STEAP1B: variants seen among roughly 807,000 people sequenced by gnomAD.
The protein encoded by STEAP1B is STEAP family member 1B, also known as STEAP family protein MGC87042.
In STEAP1B, 13 loss-of-function variants were observed where a neutral mutation model predicts 27.9. The ratio of observed to expected loss-of-function variants is 0.47; its 90% CI spans 0.30 to 0.74. The LOEUF (loss-of-function observed/expected upper bound fraction) is 0.74. Among genes scored for constraint, STEAP1B ranks in the 30% least tolerant of loss-of-function variants. The pLI, the probability that STEAP1B is intolerant of heterozygous loss-of-function variation, is 0.06. For synonymous variants in STEAP1B, 86 were observed against 107.1 expected, an observed-to-expected ratio of 0.80 and a Z score of 1.22; for missense variants, 250 against 298.7, an observed-to-expected ratio of 0.84 and a Z score of 1.20.
At chr7:22,482,194 C>G (rs1009570325) in intron 4 of STEAP1B, among the ~76,000 whole-genome samples, 4 of 152,166 alleles carry the variant, frequency 2.6e-5, no homozygotes, top group Non-Finnish European at 5.9e-5. Flanking sequence ...CCACCACCTC[C>G]CACTTTCTGA....
At chr7:22,492,488 G>T in intron 4 of STEAP1B, 77 bp downstream of exon 4, 2 of 1,455,030 alleles carry the variant, frequency 1.4e-6, no homozygotes, top group Non-Finnish European at 1.8e-6. Context: ...ATTTTTTATG[G>T]GGTAAAGCCA....
At chr7:22,447,399 T>C (rs3114713) in intron 4 of STEAP1B, among the ~76,000 whole-genome samples, 66,193 of 152,050 alleles carry the variant, frequency 0.44, 14,626 homozygotes, top group African/African-American at 0.5. Flanking sequence ...TCAGTCAATA[T>C]TGTATATTTA....
chr7:22,439,974 T>C (rs1394989738), intron 4 of STEAP1B, among the ~76,000 whole-genome samples: 1 of 152,130 alleles, frequency 6.6e-6, no homozygotes, highest in Non-Finnish European at 1.5e-5. Context: ...TTAGAAACAT[T>C]TGAGCCTTTA....
intron 4 of STEAP1B, among the ~76,000 whole-genome samples, chr7:22,477,861 T>C (rs1336474069): frequency 6.6e-6 from 1 of 152,210 alleles, no homozygotes; most frequent in Non-Finnish European, 1.5e-5. Context: ...ACATTTCCTA[T>C]GTAGACCTGT....
At chr7:22,474,225 T>G (rs753785724) in intron 4 of STEAP1B, among the ~76,000 whole-genome samples, 1 of 152,212 alleles carries the variant, frequency 6.6e-6, no homozygotes, top group Non-Finnish European at 1.5e-5. Flanking sequence ...TCATTTAACT[T>G]CAGGCCTACA....
At chr7:22,453,533 C>T (rs1237877262) in intron 4 of STEAP1B, among the ~76,000 whole-genome samples, 1 of 152,184 alleles carries the variant, frequency 6.6e-6, no homozygotes, top group Non-Finnish European at 1.5e-5. Context: ...AAGCTCTTTT[C>T]TGTGACTTTT....
At chr7:22,465,978 C>T (rs566500772) in intron 4 of STEAP1B, among the ~76,000 whole-genome samples, 4 of 152,248 alleles carry the variant, frequency 2.6e-5, no homozygotes, top group Admixed American at 2.6e-4. Flanking sequence ...GGGGCTCAGA[C>T]ACTTATCATT....
intron 4 of STEAP1B, among the ~76,000 whole-genome samples, chr7:22,471,195 C>CAG (rs1785876702): frequency 6.6e-6 from 1 of 152,194 alleles, no homozygotes; most frequent in Admixed American, 6.5e-5. Flanking sequence ...CTGACTCTTT[C>CAG]TAAGTGTGGT....
chr7:22,422,959 A>G (rs923960751), intron 4 of STEAP1B, among the ~76,000 whole-genome samples: 4 of 152,368 alleles, frequency 2.6e-5, no homozygotes, highest in African/African-American at 9.6e-5. Flanking sequence ...ATATTTGGAG[A>G]AAAGAGATCA....
At chr7:22,467,494 C>T (rs1388561135) in intron 4 of STEAP1B, among the ~76,000 whole-genome samples, 1 of 152,132 alleles carries the variant, frequency 6.6e-6, no homozygotes, top group African/African-American at 2.4e-5. Context: ...ATGTCCCCAC[C>T]CAAATCTCAT....
At chr7:22,457,244 C>T (rs1356803217) in intron 4 of STEAP1B, among the ~76,000 whole-genome samples, 3 of 151,704 alleles carry the variant, frequency 2.0e-5, no homozygotes, top group Non-Finnish European at 2.9e-5. Context: ...AACAGAAAAG[C>T]TGTAAAAGGG....
intron 4 of STEAP1B, among the ~76,000 whole-genome samples, chr7:22,462,739 A>G (rs1340780574): frequency 6.6e-6 from 1 of 151,820 alleles, no homozygotes; most frequent in African/African-American, 2.4e-5. Context: ...TCCTTTGGGT[A>G]TATAACCAGT....
rs528559852 is a variant in STEAP1B, at chr7:22,448,330, A to T, written c.763-28494T>A. Among the ~76,000 whole-genome samples, 145 of 152,332 alleles carry T rather than the reference A, an allele frequency of 9.5e-4. 1 individual carries two copies. The South Asian group carries it at 0.019, about 20-fold the overall frequency. On this transcript the variant is annotated intron_variant, in intron 4 of 4. Coordinates refer to ENST00000678116, the MANE Select transcript of STEAP1B (RefSeq NM_001382447.1). The stretch of plus-strand genomic sequence containing the variant: ...ATTATATTTTTCCATTATCCAAAGG[A>T]ATATAGATAGAAATGATATATTTAT...
chr7:22,463,051 T>C (rs1340080981), intron 4 of STEAP1B, among the ~76,000 whole-genome samples: 1 of 152,232 alleles, frequency 6.6e-6, no homozygotes, highest in Non-Finnish European at 1.5e-5. Flanking sequence ...TGTCTGTTCA[T>C]GTCCTTTGCC....
chr7:22,472,881 A>G (rs942458840), intron 4 of STEAP1B, among the ~76,000 whole-genome samples: 1 of 152,180 alleles, frequency 6.6e-6, no homozygotes. Context: ...GTGTAGTAAC[A>G]GTGGCTTCAG....
At chr7:22,446,668 T>C (rs548031786) in intron 4 of STEAP1B, among the ~76,000 whole-genome samples, 1 of 152,356 alleles carries the variant, frequency 6.6e-6, no homozygotes, top group East Asian at 1.9e-4. Flanking sequence ...ATAACCCTTA[T>C]TTTTCTGAGC....
chr7:22,499,957 G>C (rs1039437446), intron 1 of STEAP1B, among the ~76,000 whole-genome samples, 157 bp downstream of exon 1: 1 of 152,190 alleles, frequency 6.6e-6, no homozygotes, highest in African/African-American at 2.4e-5. Context: ...GCGAAGAATT[G>C]AGCACCGCTC....
intron 4 of STEAP1B, among the ~76,000 whole-genome samples, chr7:22,472,272 T>G (rs1338279300): frequency 1.3e-5 from 2 of 152,162 alleles, no homozygotes; most frequent in Non-Finnish European, 2.9e-5. Flanking sequence ...CTGGAAGGTA[T>G]ATGATGAGAG....
At chr7:22,451,836 A>G (rs550568517) in intron 4 of STEAP1B, among the ~76,000 whole-genome samples, 1 of 152,294 alleles carries the variant, frequency 6.6e-6, no homozygotes, top group African/African-American at 2.4e-5. Flanking sequence ...ATTGGCCTGT[A>G]GTGTTTTGTG....
Sources: allele counts gnomAD v4.1 joint callset (sites outside exome capture counted in the v4.1 genomes callset), GRCh38; gene constraint gnomAD v4.1.1; transcripts MANE v1.5; gene names NCBI Gene and HGNC (gene_info 2026-07-23, HGNC 2026-07-21).